FBXW11: variants seen among roughly 807,000 people sequenced by gnomAD.
FBXW11 encodes the protein F-box/WD repeat-containing protein 11.
In FBXW11, 19 loss-of-function variants were observed where a neutral mutation model predicts 77.6. The observed-to-expected ratio is 0.24, with a 90% CI of 0.17 to 0.36. FBXW11 has a LOEUF of 0.36. FBXW11 is among the 10% of genes least tolerant of loss of function. The pLI is 1.00. For missense variants in FBXW11, 334 were observed against 704.2 expected, an observed-to-expected ratio of 0.47 and a Z score of 5.95; for synonymous variants, 235 against 249.4, an observed-to-expected ratio of 0.94 and a Z score of 0.54.
At chr5:171,925,690 GC>G (rs1375112113) in intron 2 of FBXW11, among the ~76,000 whole-genome samples, 2 of 152,146 alleles carry the variant, frequency 1.3e-5, no homozygotes, top group African/African-American at 2.4e-5. Flanking sequence ...TCAGTATGTT[GC>G]CCAGGTTGGG....
chr5:171,976,905 G>A (rs544247223), intron 1 of FBXW11, among the ~76,000 whole-genome samples: 6 of 152,132 alleles, frequency 3.9e-5, no homozygotes, highest in African/African-American at 1.4e-4. Flanking sequence ...AATTAGCCAG[G>A]TGTGGTGGTG....
At chr5:171,881,603 G>A (rs1244777113) in intron 7 of FBXW11, among the ~76,000 whole-genome samples, 2 of 152,222 alleles carry the variant, frequency 1.3e-5, no homozygotes, top group African/African-American at 4.8e-5. Context: ...TAGAATGAGT[G>A]ATGAAATATT....
At chr5:171,939,138 G>A (rs1307281344) in intron 2 of FBXW11, among the ~76,000 whole-genome samples, 1 of 152,132 alleles carries the variant, frequency 6.6e-6, no homozygotes, top group Non-Finnish European at 1.5e-5. Flanking sequence ...TTGAGAGGCT[G>A]AGGCAGGAGA....
chr5:171,899,067 G>T lies in FBXW11; in HGVS notation c.651C>A (p.Pro217=). The change falls in exon 6 of 14, where the codon CCC becomes CCA. Residue 217 remains proline (P), a synonymous_variant. Coordinates refer to ENST00000517395, the MANE Select transcript of FBXW11 (RefSeq NM_001378974.1). ...GWDQYLFKNR[P]TDGPPNSFYR... ...AAAATGAATTTGGAGGGCCATCTGT[G>T]GGTCTGTTTTTAAACAGGTACTGAT... 1 of 1,609,068 alleles carries T rather than the reference G, an allele frequency of 6.2e-7. No individual in the cohort carries two copies. Among genetic ancestry groups the T allele is most frequent in the Non-Finnish European group, 8.5e-7 (1 of 1,178,048 alleles).
intron 1 of FBXW11, among the ~76,000 whole-genome samples, chr5:171,959,791 A>C (rs1561723430): frequency 6.6e-6 from 1 of 151,792 alleles, no homozygotes. Flanking sequence ...CAGAGGTTGC[A>C]GTAAGCCAAG....
chr5:171,900,197 C>A (rs1760019924), intron 4 of FBXW11, 97 bp from the exon 5 acceptor site: 2 of 1,076,348 alleles, frequency 1.9e-6, no homozygotes, highest in African/African-American at 1.6e-5. Flanking sequence ...AAATCCTGAA[C>A]CAAGTAAAAT....
intron 7 of FBXW11, among the ~76,000 whole-genome samples, chr5:171,878,603 A>AGAGAGAGT (rs138423567): frequency 9.3e-5 from 12 of 128,582 alleles, no homozygotes; most frequent in African/African-American, 2.9e-4. Flanking sequence ...AGAGAGAGAG[A>AGAGAGAGT]GTGTGTGTGT....
intron 7 of FBXW11, among the ~76,000 whole-genome samples, chr5:171,878,527 C>A (rs1196885813): frequency 2.7e-5 from 4 of 148,438 alleles, no homozygotes; most frequent in East Asian, 2.0e-4. Context: ...CCAGCCTGGG[C>A]AACATACCAA....
chr5:171,936,415 G>C (rs1762486033), intron 2 of FBXW11, among the ~76,000 whole-genome samples: 2 of 149,830 alleles, frequency 1.3e-5, no homozygotes, highest in South Asian at 4.2e-4. Flanking sequence ...CCAATCACTT[G>C]AGCCCAGGAG....
At chr5:171,890,715 C>T (rs1433629003) in intron 7 of FBXW11, among the ~76,000 whole-genome samples, 1 of 152,060 alleles carries the variant, frequency 6.6e-6, no homozygotes, top group Non-Finnish European at 1.5e-5. Flanking sequence ...AAACTGGAAA[C>T]AACACAAACA....
intron 1 of FBXW11, among the ~76,000 whole-genome samples, chr5:171,966,885 C>G (rs1435770290): frequency 6.6e-6 from 1 of 152,174 alleles, no homozygotes; most frequent in East Asian, 1.9e-4. Flanking sequence ...CTCATTAACT[C>G]TCATACCACC....
At chr5:171,889,852 C>T (rs1759205237) in intron 7 of FBXW11, among the ~76,000 whole-genome samples, 1 of 152,084 alleles carries the variant, frequency 6.6e-6, no homozygotes, top group African/African-American at 2.4e-5. Flanking sequence ...CGTGCCATTG[C>T]ACTCTAATCT....
chr5:171,952,444 TA>T (rs1274488550), intron 2 of FBXW11, among the ~76,000 whole-genome samples: 583 of 24,664 alleles, frequency 0.024, 28 homozygotes, highest in African/African-American at 0.093. Flanking sequence ...TATATATATA[TA>T]TATTTTTTTT....
chr5:171,881,648 G>C (rs560269384), intron 7 of FBXW11, among the ~76,000 whole-genome samples: 67 of 152,308 alleles, frequency 4.4e-4, no homozygotes, highest in African/African-American at 1.6e-3. Flanking sequence ...AGATTGTAGA[G>C]AACTGGTGTA....
chr5:171,917,061 C>T (rs1217223926), intron 2 of FBXW11, among the ~76,000 whole-genome samples: 6 of 152,114 alleles, frequency 3.9e-5, no homozygotes, highest in Admixed American at 1.3e-4. Flanking sequence ...GCTGGGACTA[C>T]GGGCACACAC....
chr5:171,926,800 G>T (rs1344938838), intron 2 of FBXW11, among the ~76,000 whole-genome samples: 1 of 152,124 alleles, frequency 6.6e-6, no homozygotes, highest in African/African-American at 2.4e-5. Context: ...CCATAAGGCA[G>T]AGATATTTGG....
At chr5:171,979,885 C>T (rs1765051767) in intron 1 of FBXW11, among the ~76,000 whole-genome samples, 1 of 152,184 alleles carries the variant, frequency 6.6e-6, no homozygotes, top group Non-Finnish European at 1.5e-5. Flanking sequence ...ACTGCCGTGT[C>T]CAGTTTCAAT....
intron 1 of FBXW11, among the ~76,000 whole-genome samples, chr5:171,967,855 C>CATATATATATATAT (rs375683631): frequency 9.3e-5 from 11 of 118,534 alleles, no homozygotes; most frequent in African/African-American, 4.5e-4. Context: ...AAAAAAAATG[C>CATATATATATATAT]ATATATATAT....
At chr5:171,891,657 T>C (rs1759355907) in intron 6 of FBXW11, 53 bp from the exon 7 acceptor site, 1 of 1,576,460 alleles carries the variant, frequency 6.3e-7, no homozygotes, top group South Asian at 1.2e-5. Flanking sequence ...CTTACTCTAT[T>C]AGGTTTCAGA....
Sources: allele counts gnomAD v4.1 joint callset (sites outside exome capture counted in the v4.1 genomes callset), GRCh38; gene constraint gnomAD v4.1.1; transcripts MANE v1.5; gene names NCBI Gene and HGNC (gene_info 2026-07-23, HGNC 2026-07-21).